The following SLAMF6 variants were observed in gnomAD, a reference collection of about 807,000 sequenced individuals.
The protein encoded by SLAMF6 is NK-T-B-antigen.
SLAMF6 carries 21 observed loss-of-function variants against 38.3 expected under a neutral mutation model. That is an observed-to-expected ratio of 0.55 (90% CI 0.39 to 0.79). SLAMF6 has a LOEUF of 0.79. Among genes scored for constraint, SLAMF6 ranks in the 30% least tolerant of loss-of-function variants. The pLI is 0.00. For missense variants in SLAMF6, 341 were observed against 385.3 expected (o/e 0.89, Z 0.96); for synonymous variants, 152 against 146.3 (o/e 1.04, Z -0.28).
intron 1 of SLAMF6, among the ~76,000 whole-genome samples, chr1:160,504,948 G>A (rs1654106393): frequency 6.6e-6 from 1 of 152,140 alleles, no homozygotes; most frequent in African/African-American, 2.4e-5. Flanking sequence ...AGAAAGTCAA[G>A]GCTAACGCAG....
intron 2 of SLAMF6, among the ~76,000 whole-genome samples, chr1:160,492,427 T>A (rs759718017): frequency 1.3e-5 from 2 of 152,154 alleles, no homozygotes; most frequent in Non-Finnish European, 2.9e-5. Flanking sequence ...GGACAAATTA[T>A]TGCTATATCC....
chr1:160,488,090 CAAAA>C (rs1170761955), intron 6 of SLAMF6, among the ~76,000 whole-genome samples: 1 of 64,052 alleles, frequency 1.6e-5, no homozygotes, highest in African/African-American at 5.4e-5. Context: ...CACTCTGTCT[CAAAA>C]AAAAAAAAAA....
intron 1 of SLAMF6, among the ~76,000 whole-genome samples, chr1:160,498,695 A>G (rs775875286): frequency 3.3e-5 from 5 of 152,108 alleles, no homozygotes; most frequent in African/African-American, 4.8e-5. Context: ...CAATCAAACC[A>G]TATCAAAAAC....
At chr1:160,503,969 G>A (rs1036797081) in intron 1 of SLAMF6, among the ~76,000 whole-genome samples, 9 of 129,072 alleles carry the variant, frequency 7.0e-5, no homozygotes, top group Non-Finnish European at 1.2e-4. Flanking sequence ...AGTGAGCTGA[G>A]ATCATGCCAT....
intron 1 of SLAMF6, among the ~76,000 whole-genome samples, chr1:160,501,697 G>C (rs899836219): frequency 8.1e-6 from 1 of 123,866 alleles, no homozygotes; most frequent in Non-Finnish European, 1.7e-5. Context: ...ATAATGCCTT[G>C]CTTTTTTTTT....
chr1:160,507,245 C>T (rs1654233896), intron 1 of SLAMF6, among the ~76,000 whole-genome samples: 1 of 152,040 alleles, frequency 6.6e-6, no homozygotes, highest in African/African-American at 2.4e-5. Flanking sequence ...AGTAGCTATA[C>T]TAATATTGGC....
chr1:160,508,497 C>T (rs1654308638), intron 1 of SLAMF6, among the ~76,000 whole-genome samples: 1 of 152,184 alleles, frequency 6.6e-6, no homozygotes, highest in Non-Finnish European at 1.5e-5. Flanking sequence ...ACACCTTATA[C>T]AGAATTTAAT....
At chr1:160,506,498 G>A (rs1654195090) in intron 1 of SLAMF6, among the ~76,000 whole-genome samples, 1 of 152,150 alleles carries the variant, frequency 6.6e-6, no homozygotes, top group Admixed American at 6.5e-5. Flanking sequence ...ATTGCTAGTA[G>A]ACTTGTACTG....
At chr1:160,511,907 A>G (rs1397267655) in intron 1 of SLAMF6, among the ~76,000 whole-genome samples, 2 of 152,182 alleles carry the variant, frequency 1.3e-5, no homozygotes, top group Non-Finnish European at 2.9e-5. Flanking sequence ...CTGATGGGGC[A>G]AGGGGTGCTC....
At position 160,504,955 on chromosome 1, in the gene SLAMF6, G is replaced by A. The variant is rs140717936; in HGVS notation, c.50-8562C>T. 1.7e-4 allele frequency among the ~76,000 whole-genome samples: 26 copies of A among 152,280 alleles called. 1 individual carries two copies. In the East Asian group the frequency reaches 3.5e-3, roughly 20 times the overall value. ...GTACAAGAAGAAAGTCAAGGCTAAC[G>A]CAGAGTGGTAGCCTGTCTAGGCATT... On this transcript the variant is annotated intron_variant, in intron 1 of 7. Coordinates refer to ENST00000368057, the MANE Select transcript of SLAMF6 (RefSeq NM_001184714.2).
At chr1:160,497,908 T>G (rs1653678538) in intron 1 of SLAMF6, among the ~76,000 whole-genome samples, 1 of 152,206 alleles carries the variant, frequency 6.6e-6, no homozygotes, top group Admixed American at 6.5e-5. Flanking sequence ...TGATTCTGTG[T>G]CTTTGCTATT....
chr1:160,485,296 C>T lies in SLAMF6; in HGVS notation c.*1411G>A, dbSNP rs1406778201. 6.6e-6 allele frequency: 1 copy of T among 152,080 alleles called. No homozygotes were observed. Among genetic ancestry groups the T allele is most frequent in the African/African-American group, 2.4e-5 (1 of 41,394 alleles). 9.4% of individuals were successfully genotyped at this position (152,080 alleles called of 1,614,324 possible). Reference sequence around the variant, plus strand: ...TTGAACTCCTGACCTCAAGTGATCTCCCCCCTTGGCCTCCCAAAGTACAGG... The same window carrying T: ...TTGAACTCCTGACCTCAAGTGATCTTCCCCCTTGGCCTCCCAAAGTACAGG... On this transcript the variant is annotated 3_prime_UTR_variant, in exon 8 of 8. Transcript: ENST00000368057.
At chr1:160,497,653 C>T (rs1653660327) in intron 1 of SLAMF6, among the ~76,000 whole-genome samples, 1 of 152,040 alleles carries the variant, frequency 6.6e-6, no homozygotes, top group South Asian at 2.1e-4. Context: ...CTCTAGTAGT[C>T]CACAGCGTCT....
At chr1:160,519,541 C>G (rs913180316) in intron 1 of SLAMF6, among the ~76,000 whole-genome samples, 2 of 152,092 alleles carry the variant, frequency 1.3e-5, no homozygotes, top group Admixed American at 6.6e-5. Flanking sequence ...GCAAAAACAA[C>G]CCAGGTGTCC....
At position 160,487,124 on chromosome 1, in the gene SLAMF6, TG is replaced by T; in HGVS notation, c.930del (p.Thr311GlnfsTer34). 1 of 1,613,026 alleles carries T rather than the reference TG, an allele frequency of 6.2e-7. No individual in the cohort carries two copies. The highest frequency in any genetic ancestry group is 8.5e-7 in the Non-Finnish European group (1 of 1,179,338). On this transcript the variant is annotated frameshift_variant, in exon 7 of 8. Transcript: ENST00000368057. LOFTEE classifies it low-confidence loss of function (END_TRUNC). Reference sequence around the variant, plus strand: ...CTTACCTCTTTGGAATGATTAATTGTGGAGTAAATTGTGATAGTATCATTTT... The same window carrying T: ...CTTACCTCTTTGGAATGATTAATTGTGAGTAAATTGTGATAGTATCATTTT... Reference protein sequence around the residue: ...PRENDTITIYSTINHSKESKP... With the variant: ...PRENDTITIYXTINHSKESKP...
chr1:160,491,246 A>T lies in SLAMF6; in HGVS notation c.525T>A (p.Ser175Arg), dbSNP rs1653280435. 1 of 1,614,088 alleles carries T rather than the reference A, an allele frequency of 6.2e-7. No homozygotes were observed. Among genetic ancestry groups the T allele is most frequent in the Admixed American group, 1.7e-5 (1 of 60,006 alleles). ...CCCAGGAGACAGTGAGGTTTGGCTG[A>T]CTTGAAAGTGTGTTTCCCAAGGCCT... ...RWEALGNTLS[S>R]QPNLTVSWDP... is the part of the protein sequence containing the mutation. The change falls in exon 3 of 8, where the codon AGT (serine) becomes AGA (arginine). Residue 175 changes from serine to arginine, a missense_variant. Ser to Arg is a moderately radical substitution (Grantham distance 110, BLOSUM62 -1). Transcript: ENST00000368057.
At chr1:160,506,625 A>G (rs546486231) in intron 1 of SLAMF6, among the ~76,000 whole-genome samples, 8 of 152,314 alleles carry the variant, frequency 5.3e-5, no homozygotes, top group Admixed American at 2.6e-4. Flanking sequence ...TTAATACAAA[A>G]GCCAGTATTC....
At chr1:160,507,773 A>G (rs1654266163) in intron 1 of SLAMF6, among the ~76,000 whole-genome samples, 2 of 152,174 alleles carry the variant, frequency 1.3e-5, no homozygotes, top group South Asian at 2.1e-4. Flanking sequence ...TAATTAACAT[A>G]GTGTAAAATA....
intron 1 of SLAMF6, among the ~76,000 whole-genome samples, chr1:160,509,649 A>G (rs200732351): frequency 6.6e-6 from 1 of 152,214 alleles, no homozygotes; most frequent in Non-Finnish European, 1.5e-5. Context: ...AACTTAAAGT[A>G]TATTAAAAAA....
Sources: gnomAD v4.1 joint callset for allele counts (sites outside exome capture counted in the v4.1 genomes callset) on GRCh38, gnomAD v4.1.1 for gene constraint, MANE v1.5 for transcripts, NCBI Gene and HGNC (gene_info 2026-07-23, HGNC 2026-07-21) for gene names.